Variants in MAP2K6 observed in about 807,000 individuals in gnomAD.
MAP2K6 encodes the protein mitogen-activated protein kinase kinase 6.
A neutral mutation model predicts 53.7 loss-of-function variants in MAP2K6; 16 were observed. The ratio of observed to expected loss-of-function variants is 0.30; its 90% CI spans 0.20 to 0.45. MAP2K6 has a LOEUF of 0.45. Among genes scored for constraint, MAP2K6 ranks in the 20% least tolerant of loss-of-function variants. MAP2K6 has a pLI of 1.00. For synonymous variants in MAP2K6, 132 were observed against 143.1 expected, an observed-to-expected ratio of 0.92 and a Z score of 0.55; for missense variants, 204 against 411.9, an observed-to-expected ratio of 0.50 and a Z score of 4.37.
intron 9 of MAP2K6, among the ~76,000 whole-genome samples, chr17:69,525,343 A>G (rs1011611489): frequency 1.3e-5 from 2 of 152,178 alleles, no homozygotes; most frequent in Non-Finnish European, 2.9e-5. Context: ...AAGCTGTGCA[A>G]AGAATGCTAA....
At chr17:69,529,421 T>C (rs1910958160) in intron 10 of MAP2K6, among the ~76,000 whole-genome samples, 1 of 152,146 alleles carries the variant, frequency 6.6e-6, no homozygotes, top group Non-Finnish European at 1.5e-5. Flanking sequence ...TTTCTCTTAC[T>C]GGAATTTTCT....
chr17:69,438,514 A>C (rs1459746698), intron 1 of MAP2K6, among the ~76,000 whole-genome samples: 1 of 152,196 alleles, frequency 6.6e-6, no homozygotes, highest in Non-Finnish European at 1.5e-5. Flanking sequence ...CATAATCACT[A>C]TATGGTAGGA....
At chr17:69,475,447 C>T (rs1049783911) in intron 1 of MAP2K6, among the ~76,000 whole-genome samples, 1 of 152,154 alleles carries the variant, frequency 6.6e-6, no homozygotes, top group African/African-American at 2.4e-5. Flanking sequence ...GGATTACAGG[C>T]GTGAGCCACC....
At chr17:69,519,647 G>T in intron 5 of MAP2K6, 1 of 511,400 alleles carries the variant, frequency 2.0e-6, no homozygotes, top group Non-Finnish European at 3.4e-6. Flanking sequence ...AAGATGTGGA[G>T]TTTCTCGTCT....
rs1167248594 is a variant in MAP2K6 at position 69,449,535 on chromosome 17, T to TTCTTTCTTTGTCTTTCTTTCTTTG, written c.16+34544_16+34545insGTCTTTCTTTCTTTGTCTTTCTTT. Among the ~76,000 whole-genome samples, 485 of 76,694 alleles carry TTCTTTCTTTGTCTTTCTTTCTTTG rather than the reference T, an allele frequency of 6.3e-3. 7 individuals carry two copies. The highest frequency in any genetic ancestry group is 0.043 in the Admixed American group (318 of 7,478). 50.3% of individuals were successfully genotyped at this position (76,694 alleles called of 152,430 possible). A position where few individuals can be genotyped will look rare whatever the true frequency, so the allele number is the denominator to read the frequency against. ...TTTCTTTGTCTTTCTTTCTTTGTCT[T>TTCTTTCTTTGTCTTTCTTTCTTTG]TCTTTCTTTCTTTCTTTCTTTCTTT... On this transcript the variant is annotated intron_variant, in intron 1 of 11. Transcript: ENST00000590474.
At chr17:69,540,380 A>G (rs1247875885) in intron 11 of MAP2K6, among the ~76,000 whole-genome samples, 1 of 152,210 alleles carries the variant, frequency 6.6e-6, no homozygotes, top group Non-Finnish European at 1.5e-5. Flanking sequence ...GGGAGGTGAG[A>G]CACGTGGGAC....
chr17:69,463,708 A>T (rs1397157727), intron 1 of MAP2K6, among the ~76,000 whole-genome samples: 5 of 151,664 alleles, frequency 3.3e-5, no homozygotes, highest in Admixed American at 2.6e-4. Context: ...ACACAAATAC[A>T]TATATGTATA....
intron 1 of MAP2K6, among the ~76,000 whole-genome samples, chr17:69,463,663 C>CAT (rs922857865): frequency 1.9e-4 from 28 of 151,206 alleles, no homozygotes; most frequent in African/African-American, 6.6e-4. Flanking sequence ...CATACACATA[C>CAT]ATATATGTAT....
Position 69,541,790 on chromosome 17 carries a change from T to G in MAP2K6, c.*37T>G. On this transcript the variant is annotated 3_prime_UTR_variant, in exon 12 of 12. Coordinates refer to ENST00000590474, the MANE Select transcript of MAP2K6 (RefSeq NM_002758.4). ...CTTAATCGGTTGACCCTACTGTGGA[T>G]TGGTGGGTTTCGGGGTGAAGCAAGT... The G allele has an allele frequency of 6.4e-7, 1 of 1,552,738 alleles. No homozygotes were observed.
chr17:69,509,292 AT>A (rs1157537633), intron 2 of MAP2K6, among the ~76,000 whole-genome samples: 2 of 152,228 alleles, frequency 1.3e-5, no homozygotes, highest in African/African-American at 4.8e-5. Context: ...CAGCATTTTT[AT>A]AATACAATTC....
chr17:69,513,601 T>C (rs927540388), intron 2 of MAP2K6, among the ~76,000 whole-genome samples: 3 of 152,188 alleles, frequency 2.0e-5, no homozygotes, highest in Admixed American at 6.5e-5. Context: ...TTAGGCTACA[T>C]GGGCCACAGA....
At chr17:69,433,129 G>T (rs1199190392) in intron 1 of MAP2K6, 2 of 152,234 alleles carry the variant, frequency 1.3e-5, no homozygotes, top group East Asian at 3.8e-4. Context: ...CAGGGCAAGA[G>T]ATATCAGGCA....
At chr17:69,470,331 G>T (rs772155455) in intron 1 of MAP2K6, among the ~76,000 whole-genome samples, 19 of 152,220 alleles carry the variant, frequency 1.2e-4, no homozygotes, top group Non-Finnish European at 2.4e-4. Flanking sequence ...GATGTTTACT[G>T]ATAAGAATAA....
intron 2 of MAP2K6, among the ~76,000 whole-genome samples, chr17:69,514,753 G>A (rs373057063): frequency 8.6e-5 from 13 of 152,042 alleles, no homozygotes; most frequent in African/African-American, 2.9e-4. Context: ...GTAGAGATGA[G>A]GTTTCACCAT....
In MAP2K6 at chr17:69,546,799, A is replaced by G. The variant is rs1911894948; in HGVS notation, c.*5046A>G. On this transcript the variant is annotated 3_prime_UTR_variant, in exon 12 of 12. Coordinates refer to ENST00000590474, the MANE Select transcript of MAP2K6 (RefSeq NM_002758.4). Reference sequence around the variant, plus strand: ...TGGCTCAAAGGATCTTCTGCTTTTAATGAATTAGCAAGTGAAAAGGTATTT... The same window carrying G: ...TGGCTCAAAGGATCTTCTGCTTTTAGTGAATTAGCAAGTGAAAAGGTATTT... 1 of 152,106 alleles carries G rather than the reference A, an allele frequency of 6.6e-6. No individual in the cohort carries two copies. The highest frequency in any genetic ancestry group is 1.5e-5 in the Non-Finnish European group (1 of 68,040). The allele number at this position is 152,106 out of a possible 1,614,324, so 9.4% of individuals were successfully genotyped here.
At position 69,551,760 on chromosome 17, in the gene MAP2K6, TA is replaced by T. The variant is rs1265237898; in HGVS notation, c.*10008del. The T allele has an allele frequency of 1.3e-5, 2 of 152,246 alleles. No homozygotes were observed. The highest frequency in any genetic ancestry group is 6.5e-5 in the Admixed American group (1 of 15,280). The allele number at this position is 152,246 out of a possible 1,614,324, so 9.4% of individuals were successfully genotyped here. ...ATAATAGGTATTTTTAGAGGAAAAG[TA>T]TTTTTTTGTGTAATTTGCTTACACA... is the stretch of plus-strand genomic sequence containing the variant. On this transcript the variant is annotated 3_prime_UTR_variant, in exon 12 of 12. Coordinates refer to ENST00000590474, the MANE Select transcript of MAP2K6 (RefSeq NM_002758.4).
intron 10 of MAP2K6, among the ~76,000 whole-genome samples, chr17:69,535,850 A>G (rs895710921): frequency 1.3e-5 from 2 of 151,270 alleles, no homozygotes; most frequent in Non-Finnish European, 2.9e-5. Flanking sequence ...ATTAGTGTGC[A>G]TATCATCGGT....
intron 1 of MAP2K6, among the ~76,000 whole-genome samples, chr17:69,443,880 CA>C (rs1343557940): frequency 1.3e-5 from 2 of 152,236 alleles, no homozygotes; most frequent in Admixed American, 6.5e-5. Flanking sequence ...GCATTTTAGT[CA>C]CAGTGATAGG....
At chr17:69,463,501 C>T (rs749392208) in intron 1 of MAP2K6, among the ~76,000 whole-genome samples, 1 of 149,630 alleles carries the variant, frequency 6.7e-6, no homozygotes, top group Non-Finnish European at 1.5e-5. Flanking sequence ...CACACACACA[C>T]ACATATGTAT....
Sources: gnomAD v4.1 joint callset for allele counts (sites outside exome capture counted in the v4.1 genomes callset) on GRCh38, gnomAD v4.1.1 for gene constraint, MANE v1.5 for transcripts, NCBI Gene and HGNC (gene_info 2026-07-23, HGNC 2026-07-21) for gene names.